TTLL4: variants seen among roughly 807,000 people sequenced by gnomAD.
The protein encoded by TTLL4 is tubulin tyrosine ligase like 4.
TTLL4 carries 85 observed loss-of-function variants against 122.7 expected under a neutral mutation model. The observed-to-expected ratio is 0.69, with a 90% CI of 0.58 to 0.83. The LOEUF (loss-of-function observed/expected upper bound fraction) is 0.83, where lower values mean the gene tolerates loss of function less well. TTLL4 is among the 40% of genes least tolerant of loss of function. TTLL4 has a pLI of 0.00. For synonymous variants in TTLL4, 553 were observed against 563.0 expected (o/e 0.98, Z 0.25); for missense variants, 1,363 against 1,488.6 (o/e 0.92, Z 1.39).
In TTLL4 at chr2:218,739,164, G is replaced by A; in HGVS notation, c.1487+1G>A. 1 of 1,607,254 alleles carries A rather than the reference G, an allele frequency of 6.2e-7. No individual in the cohort carries two copies. The highest frequency in any genetic ancestry group is 8.5e-7 in the Non-Finnish European group (1 of 1,177,852). ...TGGACTCATCTGATAGGGATATTAG[G>A]TATGTTGGCAATGTTTTTGGTTCAT... On this transcript the variant is annotated splice_donor_variant, in intron 3 of 19. Transcript: ENST00000392102. LOFTEE classifies it high-confidence loss of function.
intron 2 of TTLL4, among the ~76,000 whole-genome samples, chr2:218,727,690 C>T (rs536263490): frequency 6.6e-6 from 1 of 152,094 alleles, no homozygotes; most frequent in South Asian, 2.1e-4. Flanking sequence ...TGCAGTGAGC[C>T]AAGTTCACAC....
intron 2 of TTLL4, among the ~76,000 whole-genome samples, chr2:218,730,834 G>A (rs968147026): frequency 1.3e-5 from 2 of 152,108 alleles, no homozygotes; most frequent in Non-Finnish European, 2.9e-5. Context: ...GCCGGGTGTG[G>A]TGGCTCATGC....
intron 5 of TTLL4, among the ~76,000 whole-genome samples, chr2:218,741,309 G>T (rs1942694433): frequency 6.6e-6 from 1 of 152,200 alleles, no homozygotes; most frequent in Non-Finnish European, 1.5e-5. Context: ...ATAGGGCTGA[G>T]CCACTGCACC....
rs1362676644 is a variant in TTLL4 at position 218,749,355 on chromosome 2, G to A, written c.2703G>A (p.Lys901=). 9 of 1,613,986 alleles carry A rather than the reference G, an allele frequency of 5.6e-6. No homozygotes were observed. Among genetic ancestry groups the A allele is most frequent in the South Asian group, 1.1e-5 (1 of 91,082 alleles). The change falls in exon 14 of 20, where the codon AAG becomes AAA. Residue 901 remains lysine, a synonymous_variant. Coordinates refer to ENST00000392102, the MANE Select transcript of TTLL4 (RefSeq NM_014640.5). ...GFDIMLDENL[K]PWVLEVNISP... is the part of the protein sequence containing the mutation. The stretch of plus-strand genomic sequence containing the variant: ...ACATCATGCTAGACGAAAACCTCAA[G>A]CCCTGGGTCCTGGAAGTCAACATTT...
chr2:218,721,160 T>C lies in TTLL4; in HGVS notation c.-177-6109T>C, dbSNP rs576709598. On this transcript the variant is annotated intron_variant, in intron 1 of 19. Transcript: ENST00000392102. ...AATAGGTAAATGTAAGTGAAGTGTT[T>C]CCCTGAGTTCTGTGAGTTGTTCTAA... 3.3e-5 allele frequency among the ~76,000 whole-genome samples: 5 copies of C among 152,276 alleles called. No individual in the cohort carries two copies. The South Asian group carries it at 8.3e-4, about 25-fold the overall frequency.
In TTLL4 at chr2:218,738,229, T is replaced by C. The variant is rs920637735; in HGVS notation, c.553T>C (p.Leu185=). The change falls in exon 3 of 20, where the codon TTG becomes CTG. Residue 185 remains leucine (L), a synonymous_variant. Coordinates refer to ENST00000392102, the MANE Select transcript of TTLL4 (RefSeq NM_014640.5). ...CTCATCCACAGAACCATACCTCTGC[T>C]TGGCAGCGGCTGGGGAAAACCCTTC... The part of the protein sequence containing the change: ...ASSSTEPYLC[L]AAAGENPSGK... 1.5e-5 allele frequency: 25 copies of C among 1,613,954 alleles called. No homozygotes were observed. In the African/African-American group the frequency reaches 3.1e-4, roughly 20 times the overall value.
Position 218,738,913 on chromosome 2 carries a change from G to C in TTLL4, c.1237G>C (p.Val413Leu). ...ASDTLGLDNT[V>L]FCTKRISIHL... is the part of the protein sequence containing the mutation. ...AGATACCTTGGGGTTGGACAATACAGTCTTCTGTACCAAGCGTATCAGCAT... is the reference window on the plus strand; with the variant it reads ...AGATACCTTGGGGTTGGACAATACACTCTTCTGTACCAAGCGTATCAGCAT... The change falls in exon 3 of 20, where the codon GTC (valine) becomes CTC (leucine). Residue 413 changes from valine to leucine, a missense_variant. Physicochemically the swap from Val to Leu is conservative, Grantham distance 32. Coordinates refer to ENST00000392102, the MANE Select transcript of TTLL4 (RefSeq NM_014640.5). 6.2e-7 allele frequency: 1 copy of C among 1,614,218 alleles called. No individual in the cohort carries two copies.
In TTLL4 at chr2:218,748,253, C is replaced by T. The variant is rs781616921; in HGVS notation, c.2501+26C>T. 6 of 1,613,656 alleles carry T rather than the reference C, an allele frequency of 3.7e-6. No homozygotes were observed. The Admixed American group carries it at 1.0e-4, about 27-fold the overall frequency. On this transcript the variant is annotated intron_variant, in intron 12 of 19. Transcript: ENST00000392102. ...GTACTGAGGGCAGAGTGTCCCAGTC[C>T]AGTGAAGGCCTAGAGGAATACAGGG... is the stretch of plus-strand genomic sequence containing the variant.
chr2:218,746,499 G>A (rs1272243922), intron 8 of TTLL4: 1 of 497,938 alleles, frequency 2.0e-6, no homozygotes, highest in Non-Finnish European at 3.6e-6. Context: ...CTCATAGGAG[G>A]GTGTAACTCT....
downstream of TTLL4, among the ~76,000 whole-genome samples, chr2:218,759,377 CCT>C (rs1447929857): frequency 1.3e-5 from 2 of 152,168 alleles, no homozygotes; most frequent in Non-Finnish European, 2.9e-5. Context: ...ACAGTGGGAC[CCT>C]GTTTCTACAA....
intron 4 of TTLL4, among the ~76,000 whole-genome samples, 172 bp downstream of exon 4, chr2:218,740,339 G>T (rs887786899): frequency 1.4e-4 from 21 of 152,164 alleles, no homozygotes; most frequent in Non-Finnish European, 1.5e-5. Flanking sequence ...TAGTCCTCCT[G>T]TCCCACTGGT....
Position 218,738,343 on chromosome 2 carries a change from A to G in TTLL4, c.667A>G (p.Met223Val). The G allele has an allele frequency of 1.9e-6, 3 of 1,614,114 alleles. No homozygotes were observed. The highest frequency in any genetic ancestry group is 8.5e-7 in the Non-Finnish European group (1 of 1,180,030). ...GCCCATGCTGAATAATAATTCCTTC[A>G]TGTGGCCAAATAGCACGCCAGTGCC... is the stretch of plus-strand genomic sequence containing the variant. ...YKPMLNNNSFMWPNSTPVPLL... is the reference protein window; with the variant it reads ...YKPMLNNNSFVWPNSTPVPLL... The change falls in exon 3 of 20, where the codon ATG becomes GTG. Residue 223 changes from methionine (M) to valine (V), a missense_variant. Transcript: ENST00000392102.
intron 1 of TTLL4, among the ~76,000 whole-genome samples, chr2:218,720,883 A>T (rs746233694): frequency 3.9e-5 from 6 of 152,252 alleles, no homozygotes; most frequent in Admixed American, 1.3e-4. Flanking sequence ...TTTCAGTTCC[A>T]TCCCCCACCT....
chr2:218,726,309 C>T (rs578025633), intron 1 of TTLL4, among the ~76,000 whole-genome samples: 1 of 152,246 alleles, frequency 6.6e-6, no homozygotes, highest in African/African-American at 2.4e-5. Flanking sequence ...CTTCTTTTCT[C>T]TTGCTCCTTT....
rs185432480 is a variant in TTLL4 at position 218,731,630 on chromosome 2, C to G, written c.-99+4283C>G. On this transcript the variant is annotated intron_variant, in intron 2 of 19. Transcript: ENST00000392102. ...GTAACTACCTTGCTGCAAACGTTTA[C>G]TGGGAGCCACTGTGCTTTTTGTGTG... Among the ~76,000 whole-genome samples, 549 of 152,292 alleles carry G rather than the reference C, an allele frequency of 3.6e-3. 1 individual carries two copies. The highest frequency in any genetic ancestry group is 6.0e-3 in the Non-Finnish European group (407 of 68,020).
chr2:218,711,329 G>C (rs2106377006), intron 1 of TTLL4, among the ~76,000 whole-genome samples: 1 of 152,334 alleles, frequency 6.6e-6, no homozygotes, highest in South Asian at 2.1e-4. Flanking sequence ...CCCTAGTTAT[G>C]GCCTCCGAGC....
In TTLL4 at chr2:218,747,926, G is replaced by A; in HGVS notation, c.2379-179G>A. 2 of 1,120,456 alleles carry A rather than the reference G, an allele frequency of 1.8e-6. No homozygotes were observed. Among genetic ancestry groups the A allele is most frequent in the Non-Finnish European group, 2.5e-6 (2 of 788,426 alleles). The allele number at this position is 1,120,456 out of a possible 1,614,324, so 69.4% of individuals were successfully genotyped here. A position where few individuals can be genotyped will look rare whatever the true frequency, so the allele number is the denominator to read the frequency against. ...TGCGGGACTGAGGTGGGATAAAGGA[G>A]ATGAGTTTAGCTGTGGTTTTTCAGA... On this transcript the variant is annotated intron_variant, in intron 11 of 19. Transcript: ENST00000392102. This position sits in a 1 kb window ranked among gnomAD's most constrained non-coding sequence, Gnocchi z 4.7.
chr2:218,739,672 G>A (rs1367876536), intron 3 of TTLL4, among the ~76,000 whole-genome samples: 1 of 152,200 alleles, frequency 6.6e-6, no homozygotes, highest in Non-Finnish European at 1.5e-5. Flanking sequence ...GGCTCCTTCT[G>A]TTGTGTTTTG....
chr2:218,711,673 C>T (rs1270166913), intron 1 of TTLL4, among the ~76,000 whole-genome samples: 1 of 152,028 alleles, frequency 6.6e-6, no homozygotes, highest in Non-Finnish European at 1.5e-5. Context: ...AATTTACAGT[C>T]TAGGAGATTA....
Sources: gnomAD v4.1 joint callset for allele counts (sites outside exome capture counted in the v4.1 genomes callset) on GRCh38, gnomAD v4.1.1 for gene constraint, Gnocchi (gnomAD v3.1) non-coding constraint, MANE v1.5 for transcripts, NCBI Gene and HGNC (gene_info 2026-07-23, HGNC 2026-07-21) for gene names.